Variants in VPS54 observed in about 807,000 individuals in gnomAD.
VPS54 encodes VPS54 subunit of GARP complex.
In VPS54, 45 loss-of-function variants were observed where a neutral mutation model predicts 121.5. The ratio of observed to expected loss-of-function variants is 0.37; its 90% CI spans 0.29 to 0.47. VPS54 has a LOEUF of 0.47. Ranked by LOEUF, VPS54 falls within the 20% of genes least tolerant of loss-of-function variation. VPS54 has a pLI of 0.99. For missense variants in VPS54, 1,090 were observed against 1,131.4 expected (o/e 0.96, Z 0.52); for synonymous variants, 371 against 385.8 (o/e 0.96, Z 0.45).
At chr2:63,903,041 A>C (rs1360547799) in intron 20 of VPS54, among the ~76,000 whole-genome samples, 1 of 152,182 alleles carries the variant, frequency 6.6e-6, no homozygotes, top group Non-Finnish European at 1.5e-5. Flanking sequence ...ACTGATTAAC[A>C]TGTTAAAGGA....
intron 1 of VPS54, among the ~76,000 whole-genome samples, chr2:63,989,045 C>G (rs914668965): frequency 2.0e-5 from 3 of 152,152 alleles, no homozygotes; most frequent in South Asian, 2.1e-4. Flanking sequence ...GAGTGTCTGC[C>G]TTACGCAGTT....
chr2:63,962,851 C>T (rs1675831332), intron 6 of VPS54, among the ~76,000 whole-genome samples: 1 of 152,088 alleles, frequency 6.6e-6, no homozygotes, highest in Admixed American at 6.6e-5. Context: ...GATGATTACA[C>T]CTTCCATTTA....
chr2:63,932,028 A>C (rs1674233254), intron 12 of VPS54, among the ~76,000 whole-genome samples: 1 of 152,248 alleles, frequency 6.6e-6, no homozygotes, highest in Non-Finnish European at 1.5e-5. Flanking sequence ...GAGGATGTGG[A>C]GAAATAGAAA....
intron 12 of VPS54, among the ~76,000 whole-genome samples, chr2:63,922,025 A>C (rs1386247517): frequency 6.6e-6 from 1 of 152,226 alleles, no homozygotes; most frequent in African/African-American, 2.4e-5. Flanking sequence ...CTTTTTACTT[A>C]TAATTATGAA....
At chr2:63,988,064 CTG>C (rs1677138366) in intron 1 of VPS54, among the ~76,000 whole-genome samples, 1 of 152,132 alleles carries the variant, frequency 6.6e-6, no homozygotes, top group Non-Finnish European at 1.5e-5. Flanking sequence ...CGTTGAATAA[CTG>C]TAGTGAAAGT....
At chr2:63,987,331 G>T (rs143694941) in intron 1 of VPS54, among the ~76,000 whole-genome samples, 83 of 152,236 alleles carry the variant, frequency 5.5e-4, no homozygotes, top group African/African-American at 1.9e-3. Flanking sequence ...TTTTCCCCAA[G>T]ATTGTCCTTT....
intron 12 of VPS54, among the ~76,000 whole-genome samples, chr2:63,930,873 GACAA>G (rs1674161337): frequency 6.6e-6 from 1 of 152,184 alleles, no homozygotes; most frequent in African/African-American, 2.4e-5. Flanking sequence ...ACCAATAACA[GACAA>G]ACAGAGAGCC....
intron 20 of VPS54, among the ~76,000 whole-genome samples, chr2:63,908,231 A>G (rs991873050): frequency 6.6e-6 from 1 of 152,204 alleles, no homozygotes; most frequent in Non-Finnish European, 1.5e-5. Context: ...ATACTACTCT[A>G]TAATAAAACG....
At chr2:63,934,100 G>C (rs553825559) in intron 11 of VPS54, 87 bp from the exon 12 acceptor site, 2 of 1,193,868 alleles carry the variant, frequency 1.7e-6, no homozygotes. Context: ...ATGTAATTTT[G>C]GACATCTATA....
intron 12 of VPS54, among the ~76,000 whole-genome samples, chr2:63,927,672 G>A (rs182196546): frequency 3.0e-4 from 45 of 152,326 alleles, no homozygotes; most frequent in African/African-American, 9.9e-4. Flanking sequence ...TAGACGAGCT[G>A]ACGGAAGTAG....
intron 9 of VPS54, 74 bp from the exon 10 acceptor site, chr2:63,944,729 T>C (rs1674898517): frequency 8.2e-6 from 11 of 1,345,602 alleles, no homozygotes. Context: ...ATGTTCCATT[T>C]GTACATTAAA....
chr2:64,006,014 C>T (rs1042975205), intron 1 of VPS54, among the ~76,000 whole-genome samples: 1 of 152,148 alleles, frequency 6.6e-6, no homozygotes, highest in African/African-American at 2.4e-5. Flanking sequence ...GGCTTGGATA[C>T]TCAGTCATTT....
intron 22 of VPS54, among the ~76,000 whole-genome samples, chr2:63,896,661 A>G (rs1249687583): frequency 6.6e-6 from 1 of 152,050 alleles, no homozygotes; most frequent in African/African-American, 2.4e-5. Context: ...CCCAACATAC[A>G]TTTTTTTCAT....
chr2:64,005,487 T>C (rs6546047), intron 1 of VPS54, among the ~76,000 whole-genome samples: 4,575 of 152,276 alleles, frequency 0.03, 239 homozygotes, highest in African/African-American at 0.11. Context: ...TCTGTAGCAA[T>C]TGAATGTGAT....
intron 3 of VPS54, among the ~76,000 whole-genome samples, chr2:63,979,827 T>C (rs947714534): frequency 1.8e-4 from 28 of 152,214 alleles, no homozygotes; most frequent in African/African-American, 6.0e-4. Context: ...AATTATACTG[T>C]GGTCAGAGAG....
At chr2:63,910,245 G>T (rs1158966078) in intron 20 of VPS54, among the ~76,000 whole-genome samples, 3 of 152,144 alleles carry the variant, frequency 2.0e-5, no homozygotes, top group East Asian at 3.8e-4. Context: ...GTTAACACAG[G>T]AAGAATGTAA....
intron 22 of VPS54, among the ~76,000 whole-genome samples, chr2:63,894,894 CTA>C (rs1214594544): frequency 1.3e-5 from 2 of 151,858 alleles, no homozygotes; most frequent in Non-Finnish European, 2.9e-5. Context: ...ATAAATAAGA[CTA>C]AAAGAATGTA....
chr2:63,970,294 GATATAT>G (rs1284808079), intron 4 of VPS54, among the ~76,000 whole-genome samples: 2 of 140,710 alleles, frequency 1.4e-5, no homozygotes, highest in African/African-American at 5.3e-5. Flanking sequence ...GATATATATA[GATATAT>G]ATAGATATAG....
At chr2:63,991,492 G>A (rs112285867) in intron 1 of VPS54, among the ~76,000 whole-genome samples, 3,336 of 152,228 alleles carry the variant, frequency 0.022, 33 homozygotes, top group East Asian at 0.035. Flanking sequence ...AATCAAACTG[G>A]CCCCACTAAT....
Sources: allele counts gnomAD v4.1 joint callset (sites outside exome capture counted in the v4.1 genomes callset), GRCh38; gene constraint gnomAD v4.1.1; transcripts MANE v1.5; gene names NCBI Gene and HGNC (gene_info 2026-07-23, HGNC 2026-07-21).